ANKRD61: variants seen among roughly 807,000 people sequenced by gnomAD.
ANKRD61 encodes ankyrin repeat domain 61.
ANKRD61 carries 7 observed loss-of-function variants against 8.4 expected under a neutral mutation model. The ratio of observed to expected loss-of-function variants is 0.84; its 90% CI spans 0.48 to 1.57. The LOEUF (loss-of-function observed/expected upper bound fraction) is 1.57, where lower values mean the gene tolerates loss of function less well. ANKRD61 is among the 40% of genes most tolerant of loss of function. ANKRD61 has a pLI of 0.00. For missense variants in ANKRD61, 516 were observed against 523.4 expected, an observed-to-expected ratio of 0.99 and a Z score of 0.14; for synonymous variants, 198 against 208.0, an observed-to-expected ratio of 0.95 and a Z score of 0.41.
intron 1 of ANKRD61, 67 bp downstream of exon 1, chr7:6,031,658 A>C: frequency 6.7e-7 from 1 of 1,484,458 alleles, no homozygotes; most frequent in Non-Finnish European, 9.2e-7. Flanking sequence ...GCATGATCTA[A>C]AGCTGGTGAA....
Position 6,033,432 on chromosome 7 carries a change from A to G in ANKRD61, c.314+496A>G, listed in dbSNP as rs1787974193. On this transcript the variant is annotated intron_variant, in intron 2 of 2. Coordinates refer to ENST00000409061, the MANE Select transcript of ANKRD61 (RefSeq NM_001271700.2). This position sits in a 1 kb window ranked among gnomAD's most constrained non-coding sequence, Gnocchi z 4.4. ...GAAAAACTGAGAAAAATGCAACATC[A>G]TAAATATTTTGCCAAATTAATGCAC... Among the ~76,000 whole-genome samples the G allele has an allele frequency of 6.6e-6, 1 of 152,246 alleles. No individual in the cohort carries two copies. Among genetic ancestry groups the G allele is most frequent in the Non-Finnish European group, 1.5e-5 (1 of 68,044 alleles).
Position 6,033,437 on chromosome 7 carries a change from T to A in ANKRD61, c.314+501T>A, listed in dbSNP as rs967190610. Among the ~76,000 whole-genome samples, 1 of 152,210 alleles carries A rather than the reference T, an allele frequency of 6.6e-6. No individual in the cohort carries two copies. Among genetic ancestry groups the A allele is most frequent in the African/African-American group, 2.4e-5 (1 of 41,456 alleles). The stretch of plus-strand genomic sequence containing the variant: ...ACTGAGAAAAATGCAACATCATAAA[T>A]ATTTTGCCAAATTAATGCACATTCT... On this transcript the variant is annotated intron_variant, in intron 2 of 2. Coordinates refer to ENST00000409061, the MANE Select transcript of ANKRD61 (RefSeq NM_001271700.2). The surrounding 1 kb of genome is among the most constrained non-coding windows in gnomAD (Gnocchi z 4.4).
In ANKRD61 at chr7:6,036,168, C is replaced by A; in HGVS notation, c.1039C>A (p.Gln347Lys). ...TTATCCTCTGAGAATGACCAATAAC[C>A]AAGGAATTCTACCTGCAGGAATCAT... Reference protein sequence around the residue: ...HTYPLRMTNNQGILPAGIMLP... With the variant: ...HTYPLRMTNNKGILPAGIMLP... The change falls in exon 3 of 3, where the codon CAA becomes AAA. Residue 347 changes from glutamine (Q) to lysine (K), a missense_variant. By Grantham distance (53) the Gln-to-Lys change is moderately conservative. Transcript: ENST00000409061. This position sits in a 1 kb window ranked among gnomAD's most constrained non-coding sequence, Gnocchi z 4.6. 1 of 1,549,890 alleles carries A rather than the reference C, an allele frequency of 6.5e-7. No homozygotes were observed. Among genetic ancestry groups the A allele is most frequent in the South Asian group, 1.2e-5 (1 of 84,038 alleles).
At chr7:6,031,902 A>G (rs1787922743) in intron 1 of ANKRD61, among the ~76,000 whole-genome samples, 1 of 152,138 alleles carries the variant, frequency 6.6e-6, no homozygotes, top group Admixed American at 6.5e-5. Flanking sequence ...GGCCAGACGC[A>G]GTAGCTCATG....
Position 6,035,216 on chromosome 7 carries a change from C to T in ANKRD61, c.315-228C>T, listed in dbSNP as rs972675823. Among the ~76,000 whole-genome samples the T allele has an allele frequency of 6.6e-6, 1 of 151,954 alleles. No homozygotes were observed. The highest frequency in any genetic ancestry group is 1.5e-5 in the Non-Finnish European group (1 of 67,968). ...TTTTCAAAAAAAAAAATTATATATA[C>T]ATAAAATGAAGCTAGGCCCCATCAC... On this transcript the variant is annotated intron_variant, in intron 2 of 2. Transcript: ENST00000409061. The surrounding 1 kb of genome is among the most constrained non-coding windows in gnomAD (Gnocchi z 5.5).
intron 1 of ANKRD61, 108 bp downstream of exon 1, chr7:6,031,699 A>T: frequency 9.3e-7 from 1 of 1,073,288 alleles, no homozygotes; most frequent in Non-Finnish European, 1.4e-6. Context: ...TATGAGAATG[A>T]GACACGACTC....
rs942001576 is a variant in ANKRD61 at position 6,035,616 on chromosome 7, G to C, written c.487G>C (p.Gly163Arg). 5.2e-6 allele frequency: 8 copies of C among 1,550,930 alleles called. No homozygotes were observed. The highest frequency in any genetic ancestry group is 1.4e-5 in the African/African-American group (1 of 73,142). ...GCACGGAGCTCAAGTGAACACTCAA[G>C]GGGAAATCAGCAACAAACGTTCACC... ...CAHGAQVNTQ[G>R]EISNKRSPLH... The change falls in exon 3 of 3, where the codon GGG becomes CGG. Residue 163 changes from glycine (G) to arginine (R), a missense_variant. Physicochemically the swap from Gly to Arg is moderately radical, Grantham distance 125. Coordinates refer to ENST00000409061, the MANE Select transcript of ANKRD61 (RefSeq NM_001271700.2). The surrounding 1 kb of genome is among the most constrained non-coding windows in gnomAD (Gnocchi z 5.5).
At position 6,035,638 on chromosome 7, in the gene ANKRD61, C is replaced by G; in HGVS notation, c.509C>G (p.Ser170Ter). 6.4e-7 allele frequency: 1 copy of G among 1,550,704 alleles called. No homozygotes were observed. Among genetic ancestry groups the G allele is most frequent in the East Asian group, 2.4e-5 (1 of 40,914 alleles). ...NTQGEISNKR[S>*]PLHLAIAYGC... ...CAAGGGGAAATCAGCAACAAACGTT[C>G]ACCACTCCACCTGGCCATAGCATAT... The change falls in exon 3 of 3, where the codon TCA becomes TGA. Residue 170 changes from serine (S) to a stop codon, truncating the protein, a stop_gained. Transcript: ENST00000409061. LOFTEE classifies it low-confidence loss of function (END_TRUNC). This position sits in a 1 kb window ranked among gnomAD's most constrained non-coding sequence, Gnocchi z 5.5.
rs1263716784 is a variant in ANKRD61, at chr7:6,033,707, C to T, written c.314+771C>T. On this transcript the variant is annotated intron_variant, in intron 2 of 2. Transcript: ENST00000409061. The surrounding 1 kb of genome is among the most constrained non-coding windows in gnomAD (Gnocchi z 4.4). The stretch of plus-strand genomic sequence containing the variant: ...GCCTCAGCCTCCCAAGTAGCTGGGA[C>T]TACAGGCGCCTGCCACCACGCCTGG... Among the ~76,000 whole-genome samples, 1 of 151,952 alleles carries T rather than the reference C, an allele frequency of 6.6e-6. No homozygotes were observed. The highest frequency in any genetic ancestry group is 2.4e-5 in the African/African-American group (1 of 41,400).
Position 6,035,856 on chromosome 7 carries a change from G to C in ANKRD61, c.727G>C (p.Val243Leu), listed in dbSNP as rs1226178014. 6.5e-7 allele frequency: 1 copy of C among 1,548,284 alleles called. No individual in the cohort carries two copies. The highest frequency in any genetic ancestry group is 2.0e-5 in the Admixed American group (1 of 50,862). Residue 243 changes from valine (V) to leucine (L), a missense_variant, in exon 3 of 3, where the codon GTG becomes CTG. Physicochemically the swap from Val to Leu is conservative, Grantham distance 32. Coordinates refer to ENST00000409061, the MANE Select transcript of ANKRD61 (RefSeq NM_001271700.2). This position sits in a 1 kb window ranked among gnomAD's most constrained non-coding sequence, Gnocchi z 5.5. ...GGGGAACACGCCCCTGAAGCTTGCA[G>C]TGTGCACTGCATCAAGCAAAGCAGG... ...STGNTPLKLAVCTASSKAGRL... is the reference protein window; with the variant it reads ...STGNTPLKLALCTASSKAGRL...
At position 6,035,892 on chromosome 7, in the gene ANKRD61, G is replaced by A. The variant is rs76562932; in HGVS notation, c.763G>A (p.Gly255Arg). 6,147 of 1,546,540 alleles carry A rather than the reference G, an allele frequency of 4.0e-3. 360 individuals are homozygous for A. The East Asian group carries it at 0.12, about 30-fold the overall frequency. The part of the protein sequence containing the change: ...TASSKAGRLL[G>R]AGVSCIRLLL... ...ATCAAGCAAAGCAGGCCGACTCCTC[G>A]GGGCGGGGGTCAGCTGCATCCGTCT... Residue 255 changes from glycine to arginine, a missense_variant, in exon 3 of 3, where the codon GGG becomes AGG. Gly to Arg is a moderately radical substitution (Grantham distance 125, BLOSUM62 -2). Transcript: ENST00000409061. The surrounding 1 kb of genome is among the most constrained non-coding windows in gnomAD (Gnocchi z 5.5).
rs1328999301 is a variant in ANKRD61 at position 6,033,914 on chromosome 7, G to A, written c.314+978G>A. On this transcript the variant is annotated intron_variant, in intron 2 of 2. Transcript: ENST00000409061. This position sits in a 1 kb window ranked among gnomAD's most constrained non-coding sequence, Gnocchi z 4.4. Reference sequence around the variant, plus strand: ...ATTACTCTCCACTAGAAGGTAAGCCGCATGAAAGAGAAGTTGACCTTGTGC... The same window carrying A: ...ATTACTCTCCACTAGAAGGTAAGCCACATGAAAGAGAAGTTGACCTTGTGC... 2.0e-5 allele frequency among the ~76,000 whole-genome samples: 3 copies of A among 152,048 alleles called. No homozygotes were observed. Among genetic ancestry groups the A allele is most frequent in the Non-Finnish European group, 2.9e-5 (2 of 68,012 alleles).
Position 6,036,074 on chromosome 7 carries a change from T to C in ANKRD61, c.945T>C (p.Ile315=). 1.3e-6 allele frequency: 2 copies of C among 1,550,942 alleles called. No individual in the cohort carries two copies. The highest frequency in any genetic ancestry group is 2.4e-5 in the South Asian group (2 of 84,048). Residue 315 remains isoleucine, a synonymous_variant, in exon 3 of 3, where the codon ATT becomes ATC. Coordinates refer to ENST00000409061, the MANE Select transcript of ANKRD61 (RefSeq NM_001271700.2). The surrounding 1 kb of genome is among the most constrained non-coding windows in gnomAD (Gnocchi z 4.6). ...TAACAAGAAACGGGGAATCTCCAAT[T>C]TATATGTACCTTCAGCGCAGTTGCA... ...NILTRNGESP[I]YMYLQRSCNV... is the part of the protein sequence containing the mutation.
chr7:6,034,307 A>G (rs1788008225), intron 2 of ANKRD61, among the ~76,000 whole-genome samples: 1 of 152,032 alleles, frequency 6.6e-6, no homozygotes, highest in East Asian at 1.9e-4. Context: ...ACTCCATCTC[A>G]AAATAATAAT....
chr7:6,031,429 G>A lies in ANKRD61; in HGVS notation c.54G>A (p.Lys18=), dbSNP rs4724769. 0.42 allele frequency: 652,291 copies of A among 1,550,334 alleles called. 140,727 individuals are homozygous for A. The highest frequency in any genetic ancestry group is 0.52 in the Middle Eastern group (3,132 of 5,992). ...GSRDLVVDSA[K]SLEDGPSAAL... ...GAGACCTGGTGGTTGACAGTGCCAA[G>A]TCCCTGGAAGATGGCCCATCTGCAG... The change falls in exon 1 of 3, where the codon AAG becomes AAA. Residue 18 remains lysine (K), a synonymous_variant. Coordinates refer to ENST00000409061, the MANE Select transcript of ANKRD61 (RefSeq NM_001271700.2).
At position 6,035,240 on chromosome 7, in the gene ANKRD61, A is replaced by G. The variant is rs955976688; in HGVS notation, c.315-204A>G. On this transcript the variant is annotated intron_variant, in intron 2 of 2. Coordinates refer to ENST00000409061, the MANE Select transcript of ANKRD61 (RefSeq NM_001271700.2). This position sits in a 1 kb window ranked among gnomAD's most constrained non-coding sequence, Gnocchi z 5.5. ...ACATAAAATGAAGCTAGGCCCCATC[A>G]CGTAGTGATGCATCCCACCACATCC... Among the ~76,000 whole-genome samples, 1 of 152,230 alleles carries G rather than the reference A, an allele frequency of 6.6e-6. No homozygotes were observed. Among genetic ancestry groups the G allele is most frequent in the Non-Finnish European group, 1.5e-5 (1 of 68,036 alleles).
intron 2 of ANKRD61, among the ~76,000 whole-genome samples, chr7:6,034,029 T>A (rs1029080517): frequency 2.0e-5 from 3 of 149,434 alleles, no homozygotes; most frequent in African/African-American, 7.4e-5. Flanking sequence ...AAGAATTAAG[T>A]AGTATAGGCC....
chr7:6,035,416 T>C lies in ANKRD61; in HGVS notation c.315-28T>C, dbSNP rs1016568692. 3.3e-6 allele frequency: 5 copies of C among 1,532,852 alleles called. No individual in the cohort carries two copies. Among genetic ancestry groups the C allele is most frequent in the East Asian group, 2.5e-5 (1 of 40,586 alleles). The allele number at this position is 1,532,852 out of a possible 1,614,324, so 95.0% of individuals were successfully genotyped here. On this transcript the variant is annotated intron_variant, in intron 2 of 2. Coordinates refer to ENST00000409061, the MANE Select transcript of ANKRD61 (RefSeq NM_001271700.2). This position sits in a 1 kb window ranked among gnomAD's most constrained non-coding sequence, Gnocchi z 5.5. ...AGAGCCGTTCCCACTGTGAATTCAGTGTAACGTGTAATCAATACCCATTCT... is the reference window on the plus strand; with the variant it reads ...AGAGCCGTTCCCACTGTGAATTCAGCGTAACGTGTAATCAATACCCATTCT...
chr7:6,036,357 T>A lies in ANKRD61; in HGVS notation c.1228T>A (p.Cys410Ser). ...LPVTIWNSVY[C>S]CYDLAYTS ...AGTGACAATATGGAATTCTGTCTAC[T>A]GCTGTTATGACTTGGCATATACCTC... Residue 410 changes from cysteine to serine, a missense_variant, in exon 3 of 3, where the codon TGC becomes AGC. Physicochemically the swap from Cys to Ser is moderately radical, Grantham distance 112. Coordinates refer to ENST00000409061, the MANE Select transcript of ANKRD61 (RefSeq NM_001271700.2). This position sits in a 1 kb window ranked among gnomAD's most constrained non-coding sequence, Gnocchi z 4.6. 6.6e-7 allele frequency: 1 copy of A among 1,520,026 alleles called. No homozygotes were observed. Among genetic ancestry groups the A allele is most frequent in the Non-Finnish European group, 8.8e-7 (1 of 1,134,966 alleles). The allele number at this position is 1,520,026 out of a possible 1,614,324, so 94.2% of individuals were successfully genotyped here. A position where few individuals can be genotyped will look rare whatever the true frequency, so the allele number is the denominator to read the frequency against.
Sources: gnomAD v4.1 joint callset for allele counts (sites outside exome capture counted in the v4.1 genomes callset) on GRCh38, gnomAD v4.1.1 for gene constraint, Gnocchi (gnomAD v3.1) non-coding constraint, MANE v1.5 for transcripts, NCBI Gene and HGNC (gene_info 2026-07-23, HGNC 2026-07-21) for gene names.